WNT11: variants seen among roughly 807,000 people sequenced by gnomAD.
WNT11 encodes the protein protein Wnt-11.
Under a neutral mutation model 35.6 loss-of-function variants are expected in WNT11, and 20 were observed. That is an observed-to-expected ratio of 0.56 (90% CI 0.40 to 0.82). The LOEUF (loss-of-function observed/expected upper bound fraction) is 0.82, where lower values mean the gene tolerates loss of function less well. Ranked by LOEUF, WNT11 falls within the 40% of genes least tolerant of loss-of-function variation. WNT11 has a pLI of 0.00. For missense variants in WNT11, 459 were observed against 504.4 expected (o/e 0.91, Z 0.86); for synonymous variants, 200 against 211.9 (o/e 0.94, Z 0.49).
chr11:76,203,423 C>T (rs796314454), intron 1 of WNT11, among the ~76,000 whole-genome samples: 15 of 152,320 alleles, frequency 9.8e-5, no homozygotes, highest in African/African-American at 3.1e-4. Flanking sequence ...TGTTCCCAAC[C>T]GGCCTGGGCC....
chr11:76,193,391 C>CTGGCCATGATGGTGGGCG (rs1365486677), intron 3 of WNT11, among the ~76,000 whole-genome samples: 4 of 151,244 alleles, frequency 2.6e-5, no homozygotes, highest in Non-Finnish European at 5.9e-5. Context: ...CCCAGCTGGC[C>CTGGCCATGATGGTGGGCG]TGGCCATGAT....
chr11:76,201,062 C>G (rs555745127), intron 1 of WNT11, among the ~76,000 whole-genome samples: 1 of 152,316 alleles, frequency 6.6e-6, no homozygotes, highest in South Asian at 2.1e-4. Context: ...TAGGCTGGGA[C>G]CCTGGGGTGA....
At chr11:76,197,627 G>C in intron 1 of WNT11, among the ~76,000 whole-genome samples, 1 of 152,152 alleles carries the variant, frequency 6.6e-6, no homozygotes. Context: ...AGTACAGTGA[G>C]CACAGAGCCC....
Position 76,194,528 on chromosome 11 carries a change from A to G in WNT11, c.597+39T>C. 1 of 1,506,930 alleles carries G rather than the reference A, an allele frequency of 6.6e-7. No individual in the cohort carries two copies. The highest frequency in any genetic ancestry group is 8.9e-7 in the Non-Finnish European group (1 of 1,122,728). The allele number at this position is 1,506,930 out of a possible 1,614,324, so 93.3% of individuals were successfully genotyped here. On this transcript the variant is annotated intron_variant, in intron 3 of 4. Transcript: ENST00000322563. This position sits in a 1 kb window ranked among gnomAD's most constrained non-coding sequence, Gnocchi z 5.4. ...GTGGCCCTTTTCTGGCCAATGGCAC[A>G]AGCACAACTATCTGGGGGTGGGTGG...
chr11:76,187,244 T>G lies in WNT11; in HGVS notation c.891-5A>C, dbSNP rs1565189553. 1 of 1,600,202 alleles carries G rather than the reference T, an allele frequency of 6.2e-7. No individual in the cohort carries two copies. The highest frequency in any genetic ancestry group is 8.5e-7 in the Non-Finnish European group (1 of 1,179,372). ...TTGGATGTCTTGTTGCACTGCCTATTGTGGGGGCAGGAAGGAGGTCAGTGC... is the reference window on the plus strand; with the variant it reads ...TTGGATGTCTTGTTGCACTGCCTATGGTGGGGGCAGGAAGGAGGTCAGTGC... On this transcript the variant is annotated splice_region_variant and splice_polypyrimidine_tract_variant and intron_variant, in intron 4 of 4. Coordinates refer to ENST00000322563, the MANE Select transcript of WNT11 (RefSeq NM_004626.3).
At chr11:76,190,245 G>C (rs1232316508) in intron 4 of WNT11, among the ~76,000 whole-genome samples, 4 of 152,138 alleles carry the variant, frequency 2.6e-5, no homozygotes, top group South Asian at 2.1e-4. Flanking sequence ...GACACACACA[G>C]AGCCACATAT....
intron 1 of WNT11, among the ~76,000 whole-genome samples, chr11:76,200,986 C>T (rs1953365621): frequency 6.6e-6 from 1 of 152,208 alleles, no homozygotes; most frequent in South Asian, 2.1e-4. Context: ...GTGCAGACAG[C>T]TTGTGAGTGC....
upstream of WNT11, chr11:76,210,706 C>G (rs1422505483): frequency 1.0e-6 from 1 of 980,824 alleles, no homozygotes; most frequent in Non-Finnish European, 1.2e-6. Flanking sequence ...CGCTCAGCTC[C>G]CGTGGCCTGT....
At chr11:76,189,623 C>T (rs1466700437) in intron 4 of WNT11, among the ~76,000 whole-genome samples, 1 of 152,180 alleles carries the variant, frequency 6.6e-6, no homozygotes, top group Non-Finnish European at 1.5e-5. Flanking sequence ...CACCCAACCC[C>T]CAACCTCATC....
chr11:76,186,831 G>C lies in WNT11; in HGVS notation c.*234C>G. On this transcript the variant is annotated 3_prime_UTR_variant, in exon 5 of 5. Coordinates refer to ENST00000322563, the MANE Select transcript of WNT11 (RefSeq NM_004626.3). ...TGTGGGCACTCCAGAGCCTCAGGCT[G>C]CCAAGTTATTTTTAATCTTGTCGGT... The C allele has an allele frequency of 1.5e-6, 1 of 676,110 alleles. No individual in the cohort carries two copies. The allele number at this position is 676,110 out of a possible 1,614,324, so 41.9% of individuals were successfully genotyped here.
chr11:76,197,462 T>C (rs959333219), intron 1 of WNT11, among the ~76,000 whole-genome samples: 4 of 152,208 alleles, frequency 2.6e-5, no homozygotes, highest in African/African-American at 9.6e-5. Context: ...TGGGCTCCAG[T>C]GAGACACTCT....
Position 76,194,741 on chromosome 11 carries a change from G to T in WNT11, c.423C>A (p.Gly141=), listed in dbSNP as rs766200723. 1 of 1,551,258 alleles carries T rather than the reference G, an allele frequency of 6.4e-7. No homozygotes were observed. Among genetic ancestry groups the T allele is most frequent in the Non-Finnish European group, 8.7e-7 (1 of 1,147,860 alleles). The change falls in exon 3 of 5, where the codon GGC becomes GGA. Residue 141 remains glycine (G), a synonymous_variant. Coordinates refer to ENST00000322563, the MANE Select transcript of WNT11 (RefSeq NM_004626.3). The surrounding 1 kb of genome is among the most constrained non-coding windows in gnomAD (Gnocchi z 5.4). Reference sequence around the variant, plus strand: ...GCCCGGGTGGCTCACCTGGGACGGGGCCGCAGGAGCAGCCGGGCAGGTCGC... The same window carrying T: ...GCCCGGGTGGCTCACCTGGGACGGGTCCGCAGGAGCAGCCGGGCAGGTCGC... ...TSGDLPGCSC[G]PVPGEPPGPG... is the part of the protein sequence containing the mutation.
upstream of WNT11, chr11:76,210,499 T>A (rs1038337913): frequency 3.1e-5 from 31 of 985,110 alleles, no homozygotes; most frequent in Admixed American, 1.8e-3. Flanking sequence ...AGGCGCGCCC[T>A]GCGTGCCCGG....
chr11:76,209,033 C>A (rs1353988201), upstream of WNT11, among the ~76,000 whole-genome samples: 2 of 152,156 alleles, frequency 1.3e-5, no homozygotes, highest in African/African-American at 2.4e-5. Context: ...GGGGTCAAGT[C>A]CTCTTCCTGG....
chr11:76,190,421 A>C, intron 4 of WNT11, among the ~76,000 whole-genome samples: 1 of 150,690 alleles, frequency 6.6e-6, no homozygotes, highest in African/African-American at 2.4e-5. Flanking sequence ...CCCTCTGCCG[A>C]CCCCCTCAAT....
At chr11:76,206,264 A>G (rs1953470727) in intron 1 of WNT11, 61 bp downstream of exon 1, 1 of 1,359,420 alleles carries the variant, frequency 7.4e-7, no homozygotes, top group South Asian at 1.7e-5. Context: ...AGGGGACCCC[A>G]AAACGCCCTC....
At chr11:76,206,193 G>T in intron 1 of WNT11, 132 bp downstream of exon 1, 2 of 770,270 alleles carry the variant, frequency 2.6e-6, no homozygotes, top group South Asian at 3.0e-5. Context: ...GCTGAGGGAT[G>T]ACTTGCCCAC....
upstream of WNT11, among the ~76,000 whole-genome samples, chr11:76,207,635 G>C (rs1565198779): frequency 6.6e-6 from 1 of 152,144 alleles, no homozygotes; most frequent in African/African-American, 2.4e-5. Flanking sequence ...CTCCAAGTCC[G>C]TCTTTAGCCG....
intron 1 of WNT11, among the ~76,000 whole-genome samples, chr11:76,205,171 A>G (rs1953452045): frequency 6.6e-6 from 1 of 152,144 alleles, no homozygotes; most frequent in Non-Finnish European, 1.5e-5. Context: ...CAATTAATCA[A>G]TAACTTGGCC....
Sources: gnomAD v4.1 joint callset for allele counts (sites outside exome capture counted in the v4.1 genomes callset) on GRCh38, gnomAD v4.1.1 for gene constraint, Gnocchi (gnomAD v3.1) non-coding constraint, MANE v1.5 for transcripts, NCBI Gene and HGNC (gene_info 2026-07-23, HGNC 2026-07-21) for gene names.